The following SPACA6 variants were observed in gnomAD, a reference collection of about 807,000 sequenced individuals.
SPACA6 encodes the protein sperm acrosome membrane-associated protein 6.
For missense variants in SPACA6, 8 were observed against 2.8 expected (o/e 2.88, Z -1.34); for synonymous variants, 6 against 1.5 (o/e 4.05, Z -2.21).
upstream of SPACA6, among the ~76,000 whole-genome samples, chr19:51,684,283 G>A (rs149694345): frequency 1.0e-3 from 155 of 152,256 alleles, no homozygotes; most frequent in African/African-American, 3.6e-3. Flanking sequence ...CTGTCTCCTT[G>A]AACCTCAGTG....
intron 3 of SPACA6, among the ~76,000 whole-genome samples, chr19:51,702,050 C>T (rs2083472501): frequency 6.6e-6 from 1 of 152,110 alleles, no homozygotes. Flanking sequence ...GGTGACAGAG[C>T]AAGACTCCAT....
intron 2 of SPACA6, 96 bp downstream of exon 2, chr19:51,694,651 A>G (rs2083411463): frequency 2.5e-6 from 1 of 398,810 alleles, no homozygotes; most frequent in Non-Finnish European, 4.4e-6. Flanking sequence ...GGAGGCCCCC[A>G]GAGTTGGGCA....
At chr19:51,691,373 G>A (rs894595750), upstream of SPACA6, among the ~76,000 whole-genome samples, 68 of 150,898 alleles carry the variant, frequency 4.5e-4, 1 homozygote, top group East Asian at 7.7e-3. Flanking sequence ...GAGGAAGTGA[G>A]GAAAGACATC....
At chr19:51,692,778 C>T, upstream of SPACA6, 1 of 534,488 alleles carries the variant, frequency 1.9e-6, no homozygotes, top group Non-Finnish European at 3.8e-6. This position sits in a 1 kb window ranked among gnomAD's most constrained non-coding sequence, Gnocchi z 5.6. Flanking sequence ...TGTCCACCTG[C>T]CGCGCCCCCC....
At chr19:51,693,200 T>C (rs12976445), upstream of SPACA6, 223,086 of 556,212 alleles carry the variant, frequency 0.4, 52,308 homozygotes, top group East Asian at 0.91. Context: ...TCTCTGTGCC[T>C]ATCTCCATCT....
chr19:51,694,559 AGTGT>A lies in SPACA6; in HGVS notation c.292+8_292+11del. ...CAGGAGCTGGCTGCTGCCCAGGGTG[AGTGT>A]GTGGGGATGGGGAGATGGGAGATGT... On this transcript the variant is annotated splice_donor_5th_base_variant and intron_variant, in intron 2 of 8. Coordinates refer to ENST00000637797, the MANE Select transcript of SPACA6 (RefSeq NM_001316972.2). 1 of 399,532 alleles carries A rather than the reference AGTGT, an allele frequency of 2.5e-6. No individual in the cohort carries two copies. The highest frequency in any genetic ancestry group is 4.4e-6 in the Non-Finnish European group (1 of 226,492). 24.7% of individuals were successfully genotyped at this position (399,532 alleles called of 1,614,324 possible). A position where few individuals can be genotyped will look rare whatever the true frequency, so the allele number is the denominator to read the frequency against.
intron 3 of SPACA6, among the ~76,000 whole-genome samples, chr19:51,702,192 T>C (rs1165367171): frequency 6.6e-6 from 1 of 152,036 alleles, no homozygotes; most frequent in East Asian, 1.9e-4. Flanking sequence ...CCCCGCCCCT[T>C]CGATGAAAGG....
At chr19:51,702,413 C>G in intron 3 of SPACA6, 2 of 384,958 alleles carry the variant, frequency 5.2e-6, no homozygotes, top group Non-Finnish European at 9.2e-6. Flanking sequence ...AGAAGGCTGG[C>G]AGCAGTCCTG....
At chr19:51,710,102 A>C (rs1481447459), downstream of SPACA6, among the ~76,000 whole-genome samples, 1 of 152,204 alleles carries the variant, frequency 6.6e-6, no homozygotes, top group Non-Finnish European at 1.5e-5. Flanking sequence ...TAAAAATAAG[A>C]AAAAAATCAA....
chr19:51,688,912 A>AAC (rs1568612289), upstream of SPACA6, among the ~76,000 whole-genome samples: 10 of 120,512 alleles, frequency 8.3e-5, no homozygotes, highest in Non-Finnish European at 1.3e-4. Context: ...GGAGAGAGAG[A>AAC]GAGAGAGAAC....
downstream of SPACA6, among the ~76,000 whole-genome samples, chr19:51,712,716 C>T (rs1412114751): frequency 1.3e-5 from 2 of 152,142 alleles, no homozygotes; most frequent in African/African-American, 4.8e-5. Flanking sequence ...ATGGGGACTC[C>T]AGCAGAAGTT....
At chr19:51,684,218 T>C (rs185682923), upstream of SPACA6, among the ~76,000 whole-genome samples, 3 of 152,240 alleles carry the variant, frequency 2.0e-5, no homozygotes, top group East Asian at 5.8e-4. Flanking sequence ...AGATGATCTA[T>C]TATCAGAGGT....
downstream of SPACA6, among the ~76,000 whole-genome samples, chr19:51,707,677 G>A (rs537950324): frequency 6.6e-5 from 10 of 152,190 alleles, no homozygotes; most frequent in African/African-American, 9.6e-5. Context: ...GGTTAGCGTC[G>A]CACTACACAG....
At chr19:51,692,506 G>A (rs532173538), upstream of SPACA6, 58 of 425,684 alleles carry the variant, frequency 1.4e-4, no homozygotes, top group Non-Finnish European at 1.5e-4. The surrounding 1 kb of genome is among the most constrained non-coding windows in gnomAD (Gnocchi z 5.6). Flanking sequence ...AGGGAGGAGG[G>A]GGATGAGAGC....
chr19:51,692,697 C>T (rs747655639), upstream of SPACA6: 15 of 533,358 alleles, frequency 2.8e-5, no homozygotes, highest in South Asian at 1.5e-4. The surrounding 1 kb of genome is among the most constrained non-coding windows in gnomAD (Gnocchi z 5.6). Context: ...CTCACCATCG[C>T]GGCTGGGGCC....
chr19:51,687,306 A>C (rs11084108), upstream of SPACA6: 19,616 of 125,582 alleles, frequency 0.16, 1,422 homozygotes, highest in East Asian at 0.42. Flanking sequence ...TACATACATA[A>C]GCAAATCTGT....
downstream of SPACA6, among the ~76,000 whole-genome samples, chr19:51,709,408 T>C (rs1345743660): frequency 1.3e-5 from 2 of 150,574 alleles, no homozygotes; most frequent in Admixed American, 6.6e-5. Flanking sequence ...TCCCAGCTAC[T>C]TTGGAGGTTG....
chr19:51,693,127 C>T (rs1257482175), upstream of SPACA6: 7 of 394,810 alleles, frequency 1.8e-5, no homozygotes, highest in East Asian at 6.4e-5. Flanking sequence ...CTGCCCCTCC[C>T]GATATCTCTC....
downstream of SPACA6, chr19:51,712,476 A>G (rs1442562365): frequency 6.6e-6 from 1 of 152,354 alleles, no homozygotes; most frequent in Non-Finnish European, 1.5e-5. Flanking sequence ...GGAGAGTAAC[A>G]ATATGTTCAG....
Sources: allele counts gnomAD v4.1 joint callset (sites outside exome capture counted in the v4.1 genomes callset), GRCh38; gene constraint gnomAD v4.1.1; non-coding constraint Gnocchi (gnomAD v3.1); transcripts MANE v1.5; gene names NCBI Gene and HGNC (gene_info 2026-07-23, HGNC 2026-07-21).